DYNC2H1: variants seen among roughly 807,000 people sequenced by gnomAD.
DYNC2H1 encodes cytoplasmic dynein 2 heavy chain 1.
Under a neutral mutation model 570.0 loss-of-function variants are expected in DYNC2H1, and 410 were observed. The observed-to-expected ratio is 0.72, with a 90% confidence interval of 0.66 to 0.78. The LOEUF (loss-of-function observed/expected upper bound fraction) is 0.78. DYNC2H1 is among the 30% of genes least tolerant of loss of function. DYNC2H1 has a pLI of 0.00. For missense variants in DYNC2H1, 4,865 were observed against 5,046.4 expected (o/e 0.96, Z 1.09); for synonymous variants, 1,688 against 1,677.6 (o/e 1.01, Z -0.15).
chr11:103,311,461 T>C (rs1867583775), intron 78 of DYNC2H1, among the ~76,000 whole-genome samples: 1 of 152,180 alleles, frequency 6.6e-6, no homozygotes, highest in Admixed American at 6.5e-5. Flanking sequence ...GTAAATGGTA[T>C]GTTGAATTCC....
intron 82 of DYNC2H1, among the ~76,000 whole-genome samples, chr11:103,336,136 TTCTTC>T (rs1939112076): frequency 6.6e-6 from 1 of 152,166 alleles, no homozygotes; most frequent in African/African-American, 2.4e-5. Flanking sequence ...TGGCAAAGTA[TTCTTC>T]TCTTGTTTTG....
In DYNC2H1 at chr11:103,325,332, T is replaced by C. The variant is rs1466400524; in HGVS notation, c.12039+1342T>C. On this transcript the variant is annotated intron_variant, in intron 82 of 88. Transcript: ENST00000375735. The surrounding 1 kb of genome is among the most constrained non-coding windows in gnomAD (Gnocchi z 4.8). ...TTCCTAGGTTGTCTCCCATGGTTTTTATAGTTTTAGCTTTTACATTTAAGT... is the reference window on the plus strand; with the variant it reads ...TTCCTAGGTTGTCTCCCATGGTTTTCATAGTTTTAGCTTTTACATTTAAGT... Among the ~76,000 whole-genome samples the C allele has an allele frequency of 2.6e-5, 4 of 152,224 alleles. No individual in the cohort carries two copies. Among genetic ancestry groups the C allele is most frequent in the Non-Finnish European group, 4.4e-5 (3 of 68,038 alleles).
Position 103,199,443 on chromosome 11 carries a change from T to C in DYNC2H1, c.8055T>C (p.Tyr2685=), listed in dbSNP as rs1383728418. 6.2e-7 allele frequency: 1 copy of C among 1,606,016 alleles called. No homozygotes were observed. The highest frequency in any genetic ancestry group is 8.5e-7 in the Non-Finnish European group (1 of 1,175,580). ...TTTCTCCAAAGATTTCCAGAGGATA[T>C]GAACTGAAGCAGTTCAAAAATGATC... ...VLFSPKISRG[Y]ELKQFKNDLK... is the part of the protein sequence containing the mutation. The change falls in exon 49 of 89, where the codon TAT becomes TAC. Residue 2685 remains tyrosine (Y), a synonymous_variant. Coordinates refer to ENST00000375735, the MANE Select transcript of DYNC2H1 (RefSeq NM_001377.3). This position sits in a 1 kb window ranked among gnomAD's most constrained non-coding sequence, Gnocchi z 4.6.
rs544015305 is a variant in DYNC2H1, at chr11:103,123,724, G to C, written c.1661+724G>C. Among the ~76,000 whole-genome samples, 10 of 152,218 alleles carry C rather than the reference G, an allele frequency of 6.6e-5. No individual in the cohort carries two copies. The South Asian group carries it at 1.7e-3, about 25-fold the overall frequency. ...AGCTTCAGTGGAGGTTCACTAGCAT[G>C]GTAGCATACCAACGGTCTGAGATCT... On this transcript the variant is annotated intron_variant, in intron 11 of 88. Coordinates refer to ENST00000375735, the MANE Select transcript of DYNC2H1 (RefSeq NM_001377.3).
chr11:103,367,134 A>C (rs1039338067), intron 83 of DYNC2H1, among the ~76,000 whole-genome samples: 8 of 152,156 alleles, frequency 5.3e-5, no homozygotes, highest in Non-Finnish European at 1.2e-4. Context: ...ATTTTTAATG[A>C]ATAATATATG....
In DYNC2H1 at chr11:103,259,921, C is replaced by G. The variant is rs1004896801; in HGVS notation, c.10639C>G (p.Leu3547Val). Reference sequence around the variant, plus strand: ...AAATACAGAACAGAGAATCCAGTCACTTATCAGCTCATTACAACATATGGT... The same window carrying G: ...AAATACAGAACAGAGAATCCAGTCAGTTATCAGCTCATTACAACATATGGT... ...SENTEQRIQSLISSLQHMVYE... is the reference protein window; with the variant it reads ...SENTEQRIQSVISSLQHMVYE... The change falls in exon 70 of 89, where the codon CTT becomes GTT. Residue 3547 changes from leucine (L) to valine (V), a missense_variant. Leu to Val is a conservative substitution (Grantham distance 32). Around this residue, in one of 5 missense-constraint regions of DYNC2H1, gnomAD observed 2,401 missense variants for 2,454.6 expected, o/e 0.98. Coordinates refer to ENST00000375735, the MANE Select transcript of DYNC2H1 (RefSeq NM_001377.3). 2 of 1,548,046 alleles carry G rather than the reference C, an allele frequency of 1.3e-6. No individual in the cohort carries two copies. The highest frequency in any genetic ancestry group is 2.7e-5 in the African/African-American group (2 of 73,016).
intron 52 of DYNC2H1, among the ~76,000 whole-genome samples, chr11:103,207,677 A>G (rs2135109409): frequency 6.6e-6 from 1 of 152,272 alleles, no homozygotes; most frequent in East Asian, 1.9e-4. Context: ...AGAATGGAGT[A>G]TGATAGGATT....
At chr11:103,182,573 A>T (rs1861897859) in intron 40 of DYNC2H1, among the ~76,000 whole-genome samples, 1 of 151,908 alleles carries the variant, frequency 6.6e-6, no homozygotes, top group African/African-American at 2.4e-5. Context: ...ATTTAGCAGG[A>T]TGAAGAGAAT....
rs1323591440 is a variant in DYNC2H1, at chr11:103,153,418, G to A, written c.3212G>A (p.Gly1071Asp). Residue 1071 changes from glycine (G) to aspartate (D), a missense_variant, in exon 22 of 89, where the codon GGC becomes GAC. Gly to Asp is a moderately conservative substitution (Grantham distance 94). Coordinates refer to ENST00000375735, the MANE Select transcript of DYNC2H1 (RefSeq NM_001377.3). ...CCTGGTGATGATGTTATTGAAACTG[G>A]CCAACATAATACTCTTGATAAAAGT... ...LKPGDDVIET[G>D]QHNTLDKSAK... 6.4e-7 allele frequency: 1 copy of A among 1,563,554 alleles called. No homozygotes were observed. Among genetic ancestry groups the A allele is most frequent in the South Asian group, 1.2e-5 (1 of 83,880 alleles).
Position 103,177,282 on chromosome 11 carries a change from G to A in DYNC2H1, c.5875-274G>A, listed in dbSNP as rs1168628100. Among the ~76,000 whole-genome samples the A allele has an allele frequency of 1.3e-5, 2 of 152,112 alleles. No individual in the cohort carries two copies. The highest frequency in any genetic ancestry group is 2.1e-4 in the South Asian group (1 of 4,824). Reference sequence around the variant, plus strand: ...ATATTTGAATGAGTGAATGAGTGGAGCAAGTAACGAACATAATTGTTCATA... The same window carrying A: ...ATATTTGAATGAGTGAATGAGTGGAACAAGTAACGAACATAATTGTTCATA... On this transcript the variant is annotated intron_variant, in intron 37 of 88. Transcript: ENST00000375735. The surrounding 1 kb of genome is among the most constrained non-coding windows in gnomAD (Gnocchi z 4.4).
At chr11:103,470,781 T>C (rs1945354648) in intron 88 of DYNC2H1, among the ~76,000 whole-genome samples, 2 of 152,242 alleles carry the variant, frequency 1.3e-5, no homozygotes, top group Non-Finnish European at 2.9e-5. Flanking sequence ...TTCCATGGTG[T>C]ATATGTGCCA....
intron 82 of DYNC2H1, among the ~76,000 whole-genome samples, chr11:103,333,891 T>C (rs1938968943): frequency 6.6e-6 from 1 of 152,186 alleles, no homozygotes; most frequent in Non-Finnish European, 1.5e-5. Context: ...CTGTAATAAG[T>C]TCAACTCTAG....
intron 85 of DYNC2H1, among the ~76,000 whole-genome samples, chr11:103,437,516 A>G (rs1234668204): frequency 2.6e-5 from 4 of 151,670 alleles, no homozygotes; most frequent in Non-Finnish European, 5.9e-5. Context: ...AAAGGAAAAA[A>G]AAGTACTAGA....
intron 84 of DYNC2H1, among the ~76,000 whole-genome samples, chr11:103,431,223 A>AAC: frequency 2.0e-5 from 3 of 151,650 alleles, no homozygotes; most frequent in East Asian, 1.9e-4. Flanking sequence ...TTTAAAAAAA[A>AAC]AAAAAAAAAA....
At chr11:103,166,124 T>C in intron 31 of DYNC2H1, 76 bp downstream of exon 31, 1 of 1,253,550 alleles carries the variant, frequency 8.0e-7, no homozygotes, top group Non-Finnish European at 1.1e-6. Context: ...ACCTATTGTG[T>C]TTTTGACTGT....
intron 12 of DYNC2H1, among the ~76,000 whole-genome samples, chr11:103,125,698 A>G (rs1009168246): frequency 2.6e-5 from 4 of 152,176 alleles, no homozygotes; most frequent in Non-Finnish European, 5.9e-5. Flanking sequence ...GCACATTGCC[A>G]TCATTTCACT....
chr11:103,473,811 C>T (rs1250353962), intron 88 of DYNC2H1, among the ~76,000 whole-genome samples: 3 of 152,204 alleles, frequency 2.0e-5, no homozygotes, highest in Non-Finnish European at 2.9e-5. Flanking sequence ...CACAGTAACA[C>T]AGTAGTCCTG....
intron 12 of DYNC2H1, among the ~76,000 whole-genome samples, chr11:103,127,760 A>G (rs2435925): frequency 0.68 from 103,746 of 152,098 alleles, 36,205 homozygotes; most frequent in Admixed American, 0.77. Flanking sequence ...ATCTGTATTT[A>G]TTAATTAATT....
chr11:103,312,035 T>TAAGTA lies in DYNC2H1; in HGVS notation c.11649+4_11649+8dup. The TAAGTA allele has an allele frequency of 6.2e-7, 1 of 1,604,670 alleles. No individual in the cohort carries two copies. Among genetic ancestry groups the TAAGTA allele is most frequent in the Non-Finnish European group, 8.5e-7 (1 of 1,177,572 alleles). On this transcript the variant is annotated splice_region_variant and intron_variant, in intron 79 of 88. Transcript: ENST00000375735. ...GAAAGAAGAAACTATATTCCTCAGGTAAGTAAGAACATGTCTTGAATACAT... is the reference window on the plus strand; with the variant it reads ...GAAAGAAGAAACTATATTCCTCAGGTAAGTAAAGTAAGAACATGTCTTGAATACAT...
Sources: allele counts gnomAD v4.1 joint callset (sites outside exome capture counted in the v4.1 genomes callset), GRCh38; gene constraint gnomAD v4.1.1; regional missense constraint gnomAD v4.1.1; non-coding constraint Gnocchi (gnomAD v3.1); transcripts MANE v1.5; gene names NCBI Gene and HGNC (gene_info 2026-07-23, HGNC 2026-07-21).